The following CEP295 variants were observed in gnomAD, a reference collection of about 807,000 sequenced individuals.
CEP295 encodes centrosomal protein of 295 kDa.
In CEP295, 190 loss-of-function variants were observed where a neutral mutation model predicts 291.6. That is an observed-to-expected ratio of 0.65 (90% CI 0.58 to 0.73). The LOEUF is 0.73. Ranked by LOEUF, CEP295 falls within the 30% of genes least tolerant of loss-of-function variation. The pLI, the probability that CEP295 is intolerant of heterozygous loss-of-function variation, is 0.00. For missense variants in CEP295, 2,863 were observed against 2,949.4 expected (o/e 0.97, Z 0.68); for synonymous variants, 993 against 1,038.8 (o/e 0.96, Z 0.85).
At chr11:93,729,180 C>G (rs1170427319) in intron 25 of CEP295, 8 of 540,312 alleles carry the variant, frequency 1.5e-5, no homozygotes, top group Non-Finnish European at 2.6e-5. Context: ...AAGAATAAAG[C>G]TATCTAAACA....
rs1488632845 is a variant in CEP295, at chr11:93,666,808, T to C, written c.101T>C (p.Leu34Ser). Residue 34 changes from leucine (L) to serine (S), a missense_variant, in exon 2 of 30, where the codon TTG becomes TCG. By Grantham distance (145) the Leu-to-Ser change is moderately radical (BLOSUM62 -2). Transcript: ENST00000325212. ...TATGAAAGAAGGCGAAAACTAAGAT[T>C]GCTACAGGTATGACTTATTTGTAAT... ...EDYERRRKLR[L>S]LQVREQERDI... 87 of 1,511,884 alleles carry C rather than the reference T, an allele frequency of 5.8e-5. No homozygotes were observed. Among genetic ancestry groups the C allele is most frequent in the Non-Finnish European group, 7.4e-5 (82 of 1,112,058 alleles). 93.7% of individuals were successfully genotyped at this position (1,511,884 alleles called of 1,614,324 possible). A position where few individuals can be genotyped will look rare whatever the true frequency, so the allele number is the denominator to read the frequency against.
rs1191959056 is a variant in CEP295, at chr11:93,687,707, A to C, written c.1178A>C (p.Lys393Thr). ...SKVLFKKLLNKIRSQKSLWTI... is the reference protein window; with the variant it reads ...SKVLFKKLLNTIRSQKSLWTI... ...GTTCTTTTTAAAAAATTATTAAATAAGATCCGAAGCCAAAAATCTCTCTGG... is the reference window on the plus strand; with the variant it reads ...GTTCTTTTTAAAAAATTATTAAATACGATCCGAAGCCAAAAATCTCTCTGG... The change falls in exon 10 of 30, where the codon AAG becomes ACG. Residue 393 changes from lysine (K) to threonine (T), a missense_variant. Lys to Thr is a moderately conservative substitution (Grantham distance 78, BLOSUM62 -1). Coordinates refer to ENST00000325212, the MANE Select transcript of CEP295 (RefSeq NM_033395.2). 1.2e-5 allele frequency: 18 copies of C among 1,547,188 alleles called. No individual in the cohort carries two copies. Among genetic ancestry groups the C allele is most frequent in the Non-Finnish European group, 1.5e-5 (17 of 1,143,794 alleles).
chr11:93,727,682 T>G (rs1330363581), intron 24 of CEP295, 45 bp downstream of exon 24: 2 of 1,436,316 alleles, frequency 1.4e-6, no homozygotes, highest in Non-Finnish European at 1.8e-6. Flanking sequence ...AATTCCTTTT[T>G]GGGAAAAAAC....
At chr11:93,715,979 G>A (rs914270262) in intron 18 of CEP295, among the ~76,000 whole-genome samples, 12 of 152,008 alleles carry the variant, frequency 7.9e-5, no homozygotes, top group South Asian at 4.1e-4. Flanking sequence ...CACTCCCTTC[G>A]CCACCCTAGC....
intron 7 of CEP295, among the ~76,000 whole-genome samples, chr11:93,680,466 G>A (rs536156398): frequency 7.2e-4 from 110 of 152,236 alleles, no homozygotes; most frequent in African/African-American, 8.7e-4. Context: ...TTAGCCAGGC[G>A]TGGTGGCCTG....
chr11:93,714,842 CCT>C (rs57191649), intron 18 of CEP295, among the ~76,000 whole-genome samples: 191 of 147,482 alleles, frequency 1.3e-3, no homozygotes, highest in Middle Eastern at 3.5e-3. Context: ...AGTCAGTCAG[CCT>C]CTCTCTCTCT....
At position 93,679,560 on chromosome 11, in the gene CEP295, T is replaced by A. The variant is rs1026338494; in HGVS notation, c.765+8T>A. 1.3e-6 allele frequency: 2 copies of A among 1,550,092 alleles called. No individual in the cohort carries two copies. The highest frequency in any genetic ancestry group is 1.7e-6 in the Non-Finnish European group (2 of 1,146,110). On this transcript the variant is annotated splice_region_variant and intron_variant, in intron 7 of 29. Transcript: ENST00000325212. The stretch of plus-strand genomic sequence containing the variant: ...AAGATCCATTTGGCTCAAGTAAGAC[T>A]TATATTCTACCCATGACCATTACTC...
intron 18 of CEP295, among the ~76,000 whole-genome samples, chr11:93,716,899 T>G (rs1953294626): frequency 6.6e-6 from 1 of 152,230 alleles, no homozygotes; most frequent in East Asian, 1.9e-4. Flanking sequence ...TGACCTTTGA[T>G]GTACTTCTTA....
chr11:93,697,544 G>T lies in CEP295; in HGVS notation c.2632G>T (p.Glu878Ter). Residue 878 changes from glutamate (E) to a stop codon, truncating the protein, a stop_gained, in exon 15 of 30, where the codon GAA becomes TAA. Transcript: ENST00000325212. LOFTEE classifies it high-confidence loss of function. ...QEQLLLCKQK[E>*]VEQQTGLSVF... The stretch of plus-strand genomic sequence containing the variant: ...ACAGTTGCTTTTGTGCAAACAGAAA[G>T]AAGTGGAACAGCAAACGGGCCTCTC... The T allele has an allele frequency of 1.3e-6, 2 of 1,551,772 alleles. No individual in the cohort carries two copies. Among genetic ancestry groups the T allele is most frequent in the South Asian group, 2.4e-5 (2 of 84,054 alleles).
rs771938872 is a variant in CEP295 at position 93,698,050 on chromosome 11, C to A, written c.3138C>A (p.Phe1046Leu). The change falls in exon 15 of 30, where the codon TTC becomes TTA. Residue 1046 changes from phenylalanine (F) to leucine (L), a missense_variant. Physicochemically the swap from Phe to Leu is conservative, Grantham distance 22. This residue lies in a region of CEP295 where 2,295 missense variants were observed against 2,335.7 expected (regional missense o/e 0.98). Coordinates refer to ENST00000325212, the MANE Select transcript of CEP295 (RefSeq NM_033395.2). ...IPISQDGSLS[F>L]LQQFLPLHDS... The stretch of plus-strand genomic sequence containing the variant: ...TATCTCAGGATGGGTCTTTGAGTTT[C>A]CTACAGCAGTTCCTACCTCTACATG... 1.5e-4 allele frequency: 235 copies of A among 1,551,690 alleles called. 1 individual carries two copies. Among genetic ancestry groups the A allele is most frequent in the Non-Finnish European group, 2.0e-4 (228 of 1,147,030 alleles).
At chr11:93,706,256 C>G (rs1011993) in intron 17 of CEP295, among the ~76,000 whole-genome samples, 139,836 of 152,180 alleles carry the variant, frequency 0.92, 65,061 homozygotes, top group East Asian at 0.99. Flanking sequence ...ATTTTTGGGG[C>G]GATGCTTTAT....
intron 24 of CEP295, chr11:93,728,201 AAC>A (rs1937636083): frequency 6.5e-6 from 1 of 154,642 alleles, no homozygotes; most frequent in African/African-American, 2.4e-5. Context: ...AAATAAACAT[AAC>A]AGATTGAAAA....
chr11:93,670,399 A>T (rs966696052), intron 5 of CEP295, among the ~76,000 whole-genome samples: 22 of 2,832 alleles, frequency 7.8e-3, no homozygotes, highest in East Asian at 0.17. Flanking sequence ...ATTTTTTTTA[A>T]AAAAATGTAA....
intron 18 of CEP295, among the ~76,000 whole-genome samples, chr11:93,714,283 G>C (rs1055485717): frequency 2.0e-5 from 3 of 152,046 alleles, no homozygotes; most frequent in Admixed American, 6.6e-5. Flanking sequence ...ACGGAGTCTT[G>C]TTCTGTCTCC....
intron 18 of CEP295, among the ~76,000 whole-genome samples, chr11:93,720,426 A>G (rs1473001800): frequency 7.3e-6 from 1 of 137,798 alleles, no homozygotes; most frequent in Non-Finnish European, 1.5e-5. Context: ...GTGAGTCGAG[A>G]TTGCGCCACT....
chr11:93,667,714 AG>A lies in CEP295; in HGVS notation c.217del (p.Glu73AsnfsTer18). 6.4e-7 allele frequency: 1 copy of A among 1,551,558 alleles called. No homozygotes were observed. The highest frequency in any genetic ancestry group is 8.7e-7 in the Non-Finnish European group (1 of 1,146,872). On this transcript the variant is annotated frameshift_variant, in exon 3 of 30. Coordinates refer to ENST00000325212, the MANE Select transcript of CEP295 (RefSeq NM_033395.2). LOFTEE classifies it high-confidence loss of function. ...LAEELRAEWEESQTQKIQNLE... is the reference protein window; with the variant it reads ...LAEELRAEWEXSQTQKIQNLE... ...CAGAGGAGCTAAGGGCAGAATGGGA[AG>A]AATCACAAACTCAGAAAATACAGAA...
chr11:93,710,725 G>C (rs1952837016), intron 18 of CEP295, among the ~76,000 whole-genome samples: 2 of 152,210 alleles, frequency 1.3e-5, no homozygotes, highest in African/African-American at 4.8e-5. Context: ...AAATTCAGCA[G>C]TGAAGCGATA....
At chr11:93,680,357 C>T (rs1054714726) in intron 7 of CEP295, among the ~76,000 whole-genome samples, 5 of 152,244 alleles carry the variant, frequency 3.3e-5, no homozygotes, top group Non-Finnish European at 5.9e-5. Flanking sequence ...GTCATCCCAA[C>T]ACTTTGGGAG....
At chr11:93,681,588 A>G (rs750832786) in intron 7 of CEP295, among the ~76,000 whole-genome samples, 2 of 150,552 alleles carry the variant, frequency 1.3e-5, no homozygotes, top group Non-Finnish European at 3.0e-5. Context: ...GCTAATTTTT[A>G]TATTTTTAGT....
Sources: allele counts gnomAD v4.1 joint callset (sites outside exome capture counted in the v4.1 genomes callset), GRCh38; gene constraint gnomAD v4.1.1; regional missense constraint gnomAD v4.1.1; transcripts MANE v1.5; gene names NCBI Gene and HGNC (gene_info 2026-07-23, HGNC 2026-07-21).